TMEM51: variants seen among roughly 807,000 people sequenced by gnomAD.
The protein encoded by TMEM51 is chromosome 1 open reading frame 72.
Under a neutral mutation model 13.6 loss-of-function variants are expected in TMEM51, and 8 were observed. That is an observed-to-expected ratio of 0.59 (90% CI 0.35 to 1.07). TMEM51 has a LOEUF of 1.07. Among genes scored for constraint, TMEM51 ranks in the 50% least tolerant of loss-of-function variants. The probability of loss-of-function intolerance (pLI) is 0.02; values close to 1 mark genes in which losing one functional copy is unlikely to be tolerated. For missense variants in TMEM51, 279 were observed against 330.7 expected (o/e 0.84, Z 1.21); for synonymous variants, 147 against 144.4 (o/e 1.02, Z -0.13).
chr1:15,214,816 A>G, intron 2 of TMEM51, 79 bp from the exon 3 acceptor site: 1 of 455,240 alleles, frequency 2.2e-6, no homozygotes, highest in Admixed American at 3.8e-5. Flanking sequence ...TAACTCCTTC[A>G]AGAGCAGAGC....
intron 1 of TMEM51, among the ~76,000 whole-genome samples, chr1:15,203,607 G>A (rs1285349834): frequency 6.6e-6 from 1 of 152,026 alleles, no homozygotes; most frequent in Non-Finnish European, 1.5e-5. Flanking sequence ...CTTTTAGCTT[G>A]TATTACCTGC....
chr1:15,209,063 GTGTT>G (rs967415274), intron 1 of TMEM51, among the ~76,000 whole-genome samples: 2 of 151,888 alleles, frequency 1.3e-5, no homozygotes, highest in African/African-American at 2.4e-5. Flanking sequence ...GTGTGTGTGT[GTGTT>G]TGTTTGTTTC....
intron 1 of TMEM51, among the ~76,000 whole-genome samples, chr1:15,155,416 A>C (rs780704848): frequency 6.6e-6 from 1 of 152,236 alleles, no homozygotes; most frequent in African/African-American, 2.4e-5. Context: ...TTCATCTGTA[A>C]AATGGGATGA....
chr1:15,167,661 G>C (rs1643071951), intron 1 of TMEM51, among the ~76,000 whole-genome samples: 1 of 152,154 alleles, frequency 6.6e-6, no homozygotes, highest in African/African-American at 2.4e-5. Flanking sequence ...GGCTATGCAG[G>C]GACCTAATGA....
At chr1:15,185,245 T>C (rs1643739726) in intron 1 of TMEM51, among the ~76,000 whole-genome samples, 1 of 152,202 alleles carries the variant, frequency 6.6e-6, no homozygotes, top group Non-Finnish European at 1.5e-5. Flanking sequence ...TCCTACCCCA[T>C]GGGGAAGGTT....
At chr1:15,196,175 C>T (rs1644043651) in intron 1 of TMEM51, among the ~76,000 whole-genome samples, 1 of 152,216 alleles carries the variant, frequency 6.6e-6, no homozygotes, top group African/African-American at 2.4e-5. Context: ...GACAGCCTCA[C>T]CCACGGGCCC....
intron 1 of TMEM51, among the ~76,000 whole-genome samples, chr1:15,162,944 T>C (rs1642838487): frequency 6.6e-6 from 1 of 151,960 alleles, no homozygotes; most frequent in South Asian, 2.1e-4. Context: ...TGGTGATGGT[T>C]GCACAGCAGT....
intron 2 of TMEM51, among the ~76,000 whole-genome samples, chr1:15,211,013 C>T (rs1338686301): frequency 6.6e-6 from 1 of 151,988 alleles, no homozygotes; most frequent in Non-Finnish European, 1.5e-5. Context: ...TGCCATGAAC[C>T]CAAAAAACCA....
intron 1 of TMEM51, chr1:15,192,155 G>A (rs781526022): frequency 2.1e-5 from 9 of 429,504 alleles, no homozygotes; most frequent in African/African-American, 6.2e-5. Context: ...TTCATAGACC[G>A]TGCCCTCTTT....
At chr1:15,163,840 G>T (rs1434094623) in intron 1 of TMEM51, among the ~76,000 whole-genome samples, 3 of 138,568 alleles carry the variant, frequency 2.2e-5, no homozygotes, top group East Asian at 2.5e-4. Flanking sequence ...GGGGGGGGAG[G>T]GGGGAGGGGA....
chr1:15,174,686 A>G (rs893902028), intron 1 of TMEM51, among the ~76,000 whole-genome samples: 1 of 152,208 alleles, frequency 6.6e-6, no homozygotes, highest in Non-Finnish European at 1.5e-5. Flanking sequence ...GGCTTACACA[A>G]TAGAAATTTA....
At chr1:15,167,909 CTT>C (rs1054700199) in intron 1 of TMEM51, among the ~76,000 whole-genome samples, 5 of 152,128 alleles carry the variant, frequency 3.3e-5, no homozygotes, top group African/African-American at 1.2e-4. Context: ...TTCATTAACT[CTT>C]TTTCTTTAAT....
At position 15,161,014 on chromosome 1, in the gene TMEM51, G is replaced by A. The variant is rs76737491; in HGVS notation, c.-267+7060G>A. Reference sequence around the variant, plus strand: ...GATTTTCAGAAAGAGTGCAGTCTGAGCTGAAATGGGGAGCGGGGAGGGCAG... The same window carrying A: ...GATTTTCAGAAAGAGTGCAGTCTGAACTGAAATGGGGAGCGGGGAGGGCAG... On this transcript the variant is annotated intron_variant, in intron 1 of 3. Coordinates refer to ENST00000376008, the MANE Select transcript of TMEM51 (RefSeq NM_001136218.2). The surrounding 1 kb of genome is among the most constrained non-coding windows in gnomAD (Gnocchi z 4.0). Among the ~76,000 whole-genome samples the A allele has an allele frequency of 5.2e-3, 793 of 152,102 alleles. 21 individuals carry two copies. The highest frequency in any genetic ancestry group is 0.018 in the African/African-American group (746 of 41,384).
intron 1 of TMEM51, among the ~76,000 whole-genome samples, chr1:15,171,665 T>G (rs1643280936): frequency 6.6e-6 from 1 of 152,194 alleles, no homozygotes; most frequent in South Asian, 2.1e-4. Context: ...CACTTCCATC[T>G]CCCAGCTTTC....
At chr1:15,157,737 G>GC (rs1279585508) in intron 1 of TMEM51, among the ~76,000 whole-genome samples, 2 of 152,166 alleles carry the variant, frequency 1.3e-5, no homozygotes, top group Non-Finnish European at 2.9e-5. Flanking sequence ...CACGGCATGA[G>GC]CTAGTGAGTG....
intron 1 of TMEM51, among the ~76,000 whole-genome samples, chr1:15,200,076 C>G (rs1247838092): frequency 6.6e-6 from 1 of 152,102 alleles, no homozygotes; most frequent in Non-Finnish European, 1.5e-5. Flanking sequence ...CCCCTGTCCC[C>G]AGTACTCAGA....
At chr1:15,173,364 C>T (rs1483059028) in intron 1 of TMEM51, among the ~76,000 whole-genome samples, 2 of 151,878 alleles carry the variant, frequency 1.3e-5, no homozygotes, top group Non-Finnish European at 2.9e-5. Flanking sequence ...GGATTACAAG[C>T]GCACACTACC....
intron 1 of TMEM51, among the ~76,000 whole-genome samples, chr1:15,210,032 AAGGAAGGAAGGG>A (rs1165929347): frequency 6.6e-6 from 1 of 152,020 alleles, no homozygotes; most frequent in African/African-American, 2.4e-5. Context: ...CTCAGGAAGG[AAGGAAGGAAGGG>A]AGGAAGGGAG....
chr1:15,171,195 C>T (rs1394363383), intron 1 of TMEM51: 1 of 1,302,530 alleles, frequency 7.7e-7, no homozygotes, highest in Admixed American at 2.3e-5. Context: ...TCCTGGGTGA[C>T]GCTGATGCTG....
Sources: gnomAD v4.1 joint callset for allele counts (sites outside exome capture counted in the v4.1 genomes callset) on GRCh38, gnomAD v4.1.1 for gene constraint, Gnocchi (gnomAD v3.1) non-coding constraint, MANE v1.5 for transcripts, NCBI Gene and HGNC (gene_info 2026-07-23, HGNC 2026-07-21) for gene names.